The following FAF2 variants were observed in gnomAD, a reference collection of about 807,000 sequenced individuals.
FAF2 encodes Fas associated factor family member 2.
In FAF2, 9 loss-of-function variants were observed where a neutral mutation model predicts 62.3. The observed-to-expected ratio is 0.14, with a 90% confidence interval of 0.09 to 0.25. The LOEUF is 0.25. FAF2 is among the 10% of genes least tolerant of loss of function. The pLI, the probability that FAF2 is intolerant of heterozygous loss-of-function variation, is 1.00. For missense variants in FAF2, 368 were observed against 556.2 expected, an observed-to-expected ratio of 0.66 and a Z score of 3.40; for synonymous variants, 202 against 198.0, an observed-to-expected ratio of 1.02 and a Z score of -0.17.
At chr5:176,498,377 C>T (rs993116023) in intron 8 of FAF2, among the ~76,000 whole-genome samples, 1 of 152,014 alleles carries the variant, frequency 6.6e-6, no homozygotes, top group Non-Finnish European at 1.5e-5. Context: ...TTTTGATTGG[C>T]TAAATATTTT....
chr5:176,477,244 CTTTT>C (rs61443027), intron 1 of FAF2, among the ~76,000 whole-genome samples: 2 of 78,398 alleles, frequency 2.6e-5, no homozygotes, highest in Admixed American at 1.6e-4. Flanking sequence ...CGTGCCCGGC[CTTTT>C]TTTTTTTTTT....
At chr5:176,483,779 C>A (rs1380018712) in intron 2 of FAF2, among the ~76,000 whole-genome samples, 2 of 152,078 alleles carry the variant, frequency 1.3e-5, no homozygotes, top group Non-Finnish European at 2.9e-5. Context: ...AAGGAAGAGA[C>A]AAATAGGGCA....
intron 2 of FAF2, 103 bp from the exon 3 acceptor site, chr5:176,486,252 A>G: frequency 6.9e-7 from 1 of 1,455,298 alleles, no homozygotes; most frequent in South Asian, 1.3e-5. Context: ...TGGTGTATTC[A>G]TGACCATCCT....
chr5:176,491,053 G>A (rs1758964069), intron 4 of FAF2, among the ~76,000 whole-genome samples: 1 of 152,120 alleles, frequency 6.6e-6, no homozygotes, highest in Non-Finnish European at 1.5e-5. Flanking sequence ...ATACACAGGG[G>A]GAATTTGTTG....
At chr5:176,466,002 CT>C (rs1224108407) in intron 1 of FAF2, among the ~76,000 whole-genome samples, 3 of 152,182 alleles carry the variant, frequency 2.0e-5, no homozygotes, top group South Asian at 2.1e-4. Flanking sequence ...AGGCGTGTAA[CT>C]TTTTGAATCT....
chr5:176,453,438 T>G (rs1026808690), intron 1 of FAF2: 1 of 152,034 alleles, frequency 6.6e-6, no homozygotes, highest in Admixed American at 6.6e-5. Flanking sequence ...AGGAAGAAAT[T>G]TATGACCCTC....
intron 2 of FAF2, among the ~76,000 whole-genome samples, chr5:176,481,170 C>T (rs1342205197): frequency 6.6e-6 from 1 of 152,080 alleles, no homozygotes; most frequent in East Asian, 1.9e-4. Flanking sequence ...CCTCAGTCTC[C>T]TGAGTAGCTG....
At chr5:176,498,512 A>G (rs1320316549) in intron 8 of FAF2, among the ~76,000 whole-genome samples, 1 of 152,200 alleles carries the variant, frequency 6.6e-6, no homozygotes, top group Admixed American at 6.5e-5. Context: ...GATCTGCTAC[A>G]ATGTGTGTAT....
At chr5:176,482,952 G>A in intron 2 of FAF2, among the ~76,000 whole-genome samples, 1 of 151,948 alleles carries the variant, frequency 6.6e-6, no homozygotes, top group East Asian at 1.9e-4. Context: ...GGATGGTCTT[G>A]GTCTCTTGAC....
intron 1 of FAF2, among the ~76,000 whole-genome samples, chr5:176,457,157 T>C (rs190709347): frequency 3.0e-4 from 45 of 152,250 alleles, no homozygotes; most frequent in African/African-American, 1.1e-3. Context: ...TAGAAGTAGG[T>C]CTTTGAGATG....
intron 1 of FAF2, among the ~76,000 whole-genome samples, chr5:176,463,311 G>A (rs941240994): frequency 2.0e-5 from 3 of 152,024 alleles, no homozygotes; most frequent in South Asian, 2.1e-4. Context: ...CGCTTGGCCC[G>A]GGAGGCAGAG....
chr5:176,467,259 C>G (rs902170784), intron 1 of FAF2, among the ~76,000 whole-genome samples: 1 of 150,552 alleles, frequency 6.6e-6, no homozygotes, highest in Non-Finnish European at 1.5e-5. Context: ...CATAGTTAAC[C>G]TTTGTATCCA....
chr5:176,451,847 C>CATATATATATACATAT (rs1299675870), intron 1 of FAF2, among the ~76,000 whole-genome samples: 1 of 22,368 alleles, frequency 4.5e-5, no homozygotes, highest in African/African-American at 1.6e-4. Context: ...TATATACACA[C>CATATATATATACATAT]ATATATATAC....
rs374352872 is a variant in FAF2 at position 176,481,648 on chromosome 5, C to T, written c.132+2392C>T. On this transcript the variant is annotated intron_variant, in intron 2 of 10. Coordinates refer to ENST00000261942, the MANE Select transcript of FAF2 (RefSeq NM_014613.3). ...CTCCAGCCTGGGGGACAGAGTGAGACTCTGTCTCAAAAAAAAAAAGGGAGA... is the reference window on the plus strand; with the variant it reads ...CTCCAGCCTGGGGGACAGAGTGAGATTCTGTCTCAAAAAAAAAAAGGGAGA... Among the ~76,000 whole-genome samples, 9 of 151,506 alleles carry T rather than the reference C, an allele frequency of 5.9e-5. No individual in the cohort carries two copies. The East Asian group carries it at 1.2e-3, about 20-fold the overall frequency.
chr5:176,495,617 T>G (rs1193859707), intron 7 of FAF2, among the ~76,000 whole-genome samples: 1 of 151,760 alleles, frequency 6.6e-6, no homozygotes, highest in Non-Finnish European at 1.5e-5. Context: ...GTTCAAGCGA[T>G]TCTCCTGCCT....
chr5:176,451,661 A>G (rs1014805352), intron 1 of FAF2, among the ~76,000 whole-genome samples: 2 of 148,472 alleles, frequency 1.3e-5, no homozygotes, highest in African/African-American at 5.0e-5. Flanking sequence ...ATCCACAACC[A>G]TCTTCTGTGT....
rs767687339 is a variant in FAF2, at chr5:176,508,969, T to G, written c.*2019T>G. On this transcript the variant is annotated 3_prime_UTR_variant, in exon 11 of 11. Transcript: ENST00000261942. ...TTTGGGGAAGTTACGATTTTTTTTT[T>G]CCATCATAATTCAGTCTCTTCTTAT... 6.6e-6 allele frequency: 1 copy of G among 152,150 alleles called. No individual in the cohort carries two copies. The highest frequency in any genetic ancestry group is 2.4e-5 in the African/African-American group (1 of 41,414). The allele number at this position is 152,150 out of a possible 1,614,324, so 9.4% of individuals were successfully genotyped here. A position where few individuals can be genotyped will look rare whatever the true frequency, so the allele number is the denominator to read the frequency against.
At position 176,502,588 on chromosome 5, in the gene FAF2, A is replaced by G. The variant is rs13362485; in HGVS notation, c.1155+2442A>G. Among the ~76,000 whole-genome samples, 213 of 152,214 alleles carry G rather than the reference A, an allele frequency of 1.4e-3. 1 individual carries two copies. The highest frequency in any genetic ancestry group is 4.9e-3 in the African/African-American group (205 of 41,534). On this transcript the variant is annotated intron_variant, in intron 10 of 10. Transcript: ENST00000261942. ...AGTGTGAAACTCTGGCTCAAAAAAAAAAGAATGAAAAACCTAACAAAAATT... is the reference window on the plus strand; with the variant it reads ...AGTGTGAAACTCTGGCTCAAAAAAAGAAGAATGAAAAACCTAACAAAAATT...
intron 1 of FAF2, among the ~76,000 whole-genome samples, chr5:176,472,167 G>A (rs542112953): frequency 5.4e-4 from 82 of 151,350 alleles, no homozygotes; most frequent in Non-Finnish European, 9.3e-4. Flanking sequence ...GTCTCACTCC[G>A]TCTCCCAGGC....
Sources: allele counts gnomAD v4.1 joint callset (sites outside exome capture counted in the v4.1 genomes callset), GRCh38; gene constraint gnomAD v4.1.1; transcripts MANE v1.5; gene names NCBI Gene and HGNC (gene_info 2026-07-23, HGNC 2026-07-21).